Variants in PLA2G4E observed in about 807,000 individuals in gnomAD.
The protein encoded by PLA2G4E is phospholipase A2 group IVE, also known as cytosolic phospholipase A2 epsilon.
Under a neutral mutation model 109.1 loss-of-function variants are expected in PLA2G4E, and 84 were observed. The observed-to-expected ratio is 0.77, with a 90% CI of 0.65 to 0.92. The LOEUF is 0.92. Among genes scored for constraint, PLA2G4E ranks in the 40% least tolerant of loss-of-function variants. The probability of loss-of-function intolerance (pLI) is 0.00; values close to 1 mark genes in which losing one functional copy is unlikely to be tolerated. For missense variants in PLA2G4E, 1,057 were observed against 1,076.6 expected, an observed-to-expected ratio of 0.98 and a Z score of 0.25; for synonymous variants, 469 against 436.1, an observed-to-expected ratio of 1.08 and a Z score of -0.94.
chr15:41,994,572 C>T (rs1326847426), intron 12 of PLA2G4E, among the ~76,000 whole-genome samples: 4 of 152,164 alleles, frequency 2.6e-5, no homozygotes, highest in African/African-American at 9.7e-5. Context: ...CTATGTGGCC[C>T]AGCCTGGTCT....
intron 2 of PLA2G4E, chr15:42,010,139 C>CCCGG: frequency 2.1e-6 from 1 of 476,072 alleles, no homozygotes. Context: ...CTGGCCCCCC[C>CCCGG]ACCCCGGGCC....
At chr15:42,048,655 C>T (rs1211190126) in intron 1 of PLA2G4E, among the ~76,000 whole-genome samples, 6 of 152,044 alleles carry the variant, frequency 3.9e-5, no homozygotes, top group Admixed American at 2.6e-4. Flanking sequence ...GACAGCGAGC[C>T]GCATTGCTCC....
chr15:42,030,420 C>T (rs1889092123), intron 1 of PLA2G4E, among the ~76,000 whole-genome samples: 1 of 152,184 alleles, frequency 6.6e-6, no homozygotes, highest in African/African-American at 2.4e-5. Context: ...GAACAGCCAC[C>T]AGGTTTAGTT....
At position 42,007,829 on chromosome 15, in the gene PLA2G4E, G is replaced by A; in HGVS notation, c.293C>T (p.Pro98Leu). ...CCTCAGCTTCTTCTGAGAGGCGGTG[G>A]GCAGCCAGAGGCTCACAAAACAGTC... is the stretch of plus-strand genomic sequence containing the variant. The change falls in exon 3 of 20, where the codon CCC becomes CTC. Residue 98 changes from proline (P) to leucine (L), a missense_variant. Coordinates refer to ENST00000399518, the Ensembl canonical transcript of PLA2G4E. 1 of 1,608,268 alleles carries A rather than the reference G, an allele frequency of 6.2e-7. No homozygotes were observed. The highest frequency in any genetic ancestry group is 8.5e-7 in the Non-Finnish European group (1 of 1,177,164).
In PLA2G4E at chr15:41,989,399, G is replaced by T; in HGVS notation, c.1723+16C>A. The T allele has an allele frequency of 6.2e-7, 1 of 1,613,784 alleles. No homozygotes were observed. On this transcript the variant is annotated intron_variant, in intron 15 of 19. Coordinates refer to ENST00000399518, the Ensembl canonical transcript of PLA2G4E. ...GCAGCAGCCCCCTGTCATTCCGCCA[G>T]TTGCAAGGCAGTCACCTAGCATGTA... is the stretch of plus-strand genomic sequence containing the variant.
intron 1 of PLA2G4E, among the ~76,000 whole-genome samples, chr15:42,043,326 G>A (rs1244287695): frequency 6.6e-6 from 1 of 152,094 alleles, no homozygotes; most frequent in Non-Finnish European, 1.5e-5. Flanking sequence ...GAGGGAACAG[G>A]GAAGGGCCAG....
chr15:42,000,251 G>T, exon 8 of PLA2G4E: 7 of 1,577,648 alleles, frequency 4.4e-6, no homozygotes, highest in Non-Finnish European at 6.0e-6. Context: ...TGTTCTCAAA[G>T]GATTCGTTCA....
At chr15:42,035,986 A>G (rs1188636337) in intron 1 of PLA2G4E, among the ~76,000 whole-genome samples, 1 of 127,022 alleles carries the variant, frequency 7.9e-6, no homozygotes, top group Non-Finnish European at 1.6e-5. Context: ...CCATTCTGCT[A>G]TAAACATGTT....
intron 1 of PLA2G4E, among the ~76,000 whole-genome samples, chr15:42,025,587 C>T (rs1364113171): frequency 6.6e-6 from 1 of 152,168 alleles, no homozygotes; most frequent in African/African-American, 2.4e-5. Context: ...TACTGGGACC[C>T]ATTGTATGCA....
intron 11 of PLA2G4E, among the ~76,000 whole-genome samples, chr15:41,996,854 T>G (rs1032558666): frequency 1.4e-4 from 21 of 152,144 alleles, no homozygotes; most frequent in African/African-American, 4.8e-4. Flanking sequence ...TATCCCTGAG[T>G]AAGGCCCCTT....
rs1371851737 is a variant in PLA2G4E, at chr15:42,034,173, G to GGT, written c.183+16347_183+16348insAC. Among the ~76,000 whole-genome samples the GGT allele has an allele frequency of 5.6e-4, 85 of 152,302 alleles. 1 individual carries two copies. The highest frequency in any genetic ancestry group is 6.8e-3 in the Middle Eastern group (2 of 294). The stretch of plus-strand genomic sequence containing the variant: ...GGTTTCCTGGGACTCAAGACTTTTA[G>GGT]TGCTAAAACTGGAAAGTTCCAGGCA... On this transcript the variant is annotated intron_variant, in intron 1 of 19. Transcript: ENST00000399518.
At chr15:41,996,935 T>C (rs530309146) in intron 11 of PLA2G4E, among the ~76,000 whole-genome samples, 189 bp downstream of exon 11, 2 of 152,244 alleles carry the variant, frequency 1.3e-5, no homozygotes, top group South Asian at 2.1e-4. Flanking sequence ...TCCATTTTGC[T>C]CTCCCCTTCT....
intron 1 of PLA2G4E, among the ~76,000 whole-genome samples, chr15:42,016,008 G>A (rs746560395): frequency 2.2e-4 from 34 of 152,102 alleles, no homozygotes; most frequent in Non-Finnish European, 3.5e-4. Flanking sequence ...CTGAGCTCAC[G>A]GTAAATGCCT....
chr15:41,992,927 C>T lies in PLA2G4E; in HGVS notation c.1280G>A (p.Trp427Ter), dbSNP rs755187467. 33 of 1,613,456 alleles carry T rather than the reference C, an allele frequency of 2.0e-5. No homozygotes were observed. Among genetic ancestry groups the T allele is most frequent in the Non-Finnish European group, 2.5e-5 (30 of 1,179,754 alleles). ...AGCAGGCTCCAAGTTTTTGGAGGAC[C>T]AGTCAGGGTCACGGTACAAGGTAGC... The change falls in exon 13 of 20, where the codon TGG becomes TAG. Residue 427 changes from tryptophan to a stop codon, truncating the protein, a stop_gained. Coordinates refer to ENST00000399518, the Ensembl canonical transcript of PLA2G4E. LOFTEE classifies it high-confidence loss of function.
At chr15:42,001,133 G>C (rs747227534) in intron 7 of PLA2G4E, 24 bp downstream of exon 7, 9 of 1,600,566 alleles carry the variant, frequency 5.6e-6, no homozygotes, top group Non-Finnish European at 7.7e-6. Flanking sequence ...TCCCCCAGTA[G>C]GCAGAAAAGG....
intron 1 of PLA2G4E, among the ~76,000 whole-genome samples, chr15:42,033,750 A>C (rs1889157574): frequency 2.6e-5 from 4 of 152,024 alleles, no homozygotes; most frequent in Admixed American, 1.3e-4. Context: ...ACCACCTGGC[A>C]CCCTCTCCCT....
intron 2 of PLA2G4E, among the ~76,000 whole-genome samples, chr15:42,013,360 G>C (rs1328108013): frequency 6.6e-6 from 1 of 152,206 alleles, no homozygotes; most frequent in Non-Finnish European, 1.5e-5. Context: ...CTTGGAAATC[G>C]ATTCCAGGAA....
exon 15 of PLA2G4E, chr15:41,989,432 C>G (rs751335520): frequency 1.2e-6 from 2 of 1,613,966 alleles, no homozygotes; most frequent in South Asian, 1.1e-5. Flanking sequence ...GTAGCAGATT[C>G]GAGACTCCGG....
chr15:41,983,957 C>T lies in PLA2G4E; in HGVS notation c.2404G>A (p.Glu802Lys), dbSNP rs193222555. Reference sequence around the variant, plus strand: ...TCCACCTGGCCCTGCTCCAGCTCCTCAGGGCTTCGCTCTACACCTGTGGGC... The same window carrying T: ...TCCACCTGGCCCTGCTCCAGCTCCTTAGGGCTTCGCTCTACACCTGTGGGC... Residue 802 changes from glutamate (E) to lysine (K), a missense_variant, in exon 20 of 20, where the codon GAG becomes AAG. Physicochemically the swap from Glu to Lys is moderately conservative, Grantham distance 56. Transcript: ENST00000399518. 3.7e-6 allele frequency: 6 copies of T among 1,608,212 alleles called. No individual in the cohort carries two copies. In the Admixed American group the frequency reaches 6.7e-5, roughly 18 times the overall value.
Sources: allele counts gnomAD v4.1 joint callset (sites outside exome capture counted in the v4.1 genomes callset), GRCh38; gene constraint gnomAD v4.1.1; transcripts MANE v1.5; gene names NCBI Gene and HGNC (gene_info 2026-07-23, HGNC 2026-07-21).